The following PIP4K2A variants were observed in gnomAD, a reference collection of about 807,000 sequenced individuals.
The protein encoded by PIP4K2A is phosphatidylinositol-5-phosphate 4-kinase type 2 alpha.
PIP4K2A carries 14 observed loss-of-function variants against 42.9 expected under a neutral mutation model. The ratio of observed to expected loss-of-function variants is 0.33; its 90% CI spans 0.22 to 0.51. PIP4K2A has a LOEUF of 0.51. PIP4K2A is among the 20% of genes least tolerant of loss of function. The pLI is 0.97. For synonymous variants in PIP4K2A, 192 were observed against 192.2 expected, an observed-to-expected ratio of 1.00 and a Z score of 0.01; for missense variants, 434 against 519.8, an observed-to-expected ratio of 0.83 and a Z score of 1.61.
chr10:22,664,049 A>G lies in PIP4K2A; in HGVS notation c.144+50134T>C, dbSNP rs187978817. On this transcript the variant is annotated intron_variant, in intron 1 of 9. Transcript: ENST00000376573. Reference sequence around the variant, plus strand: ...TATATATACATATATATATATATACATATGTATATATACATATATATATAT... The same window carrying G: ...TATATATACATATATATATATATACGTATGTATATATACATATATATATAT... Among the ~76,000 whole-genome samples the G allele has an allele frequency of 5.3e-3, 429 of 81,044 alleles. 15 individuals are homozygous for G. Among genetic ancestry groups the G allele is most frequent in the African/African-American group, 0.037 (339 of 9,178 alleles). The allele number at this position is 81,044 out of a possible 152,430, so 53.2% of individuals were successfully genotyped here.
At chr10:22,713,943 C>T in intron 1 of PIP4K2A, 2 of 371,776 alleles carry the variant, frequency 5.4e-6, no homozygotes, top group Non-Finnish European at 4.9e-6. Flanking sequence ...CACATGCACA[C>T]GGGACCCCCG....
At chr10:22,564,841 C>A (rs1239462620) in intron 6 of PIP4K2A, among the ~76,000 whole-genome samples, 1 of 152,252 alleles carries the variant, frequency 6.6e-6, no homozygotes, top group Non-Finnish European at 1.5e-5. Flanking sequence ...CCGACCAGGT[C>A]CCCAGCGATT....
chr10:22,576,763 C>T lies in PIP4K2A; in HGVS notation c.493-3306G>A, dbSNP rs12247628. 2.3e-3 allele frequency among the ~76,000 whole-genome samples: 347 copies of T among 152,240 alleles called. 1 individual carries two copies. The highest frequency in any genetic ancestry group is 7.8e-3 in the African/African-American group (322 of 41,530). On this transcript the variant is annotated intron_variant, in intron 4 of 9. Coordinates refer to ENST00000376573, the MANE Select transcript of PIP4K2A (RefSeq NM_005028.5). ...CCATTTTTATTAAACCTCAAAACCC[C>T]CTCATCACTCTCAATATTCATTCAT... is the stretch of plus-strand genomic sequence containing the variant.
In PIP4K2A at chr10:22,536,875, C is replaced by T. The variant is rs1456906141; in HGVS notation, c.*326G>A. 1 of 212,394 alleles carries T rather than the reference C, an allele frequency of 4.7e-6. No homozygotes were observed. The highest frequency in any genetic ancestry group is 9.3e-6 in the Non-Finnish European group (1 of 107,344). The allele number at this position is 212,394 out of a possible 1,614,324, so 13.2% of individuals were successfully genotyped here. A position where few individuals can be genotyped will look rare whatever the true frequency, so the allele number is the denominator to read the frequency against. On this transcript the variant is annotated 3_prime_UTR_variant, in exon 10 of 10. Transcript: ENST00000376573. Reference sequence around the variant, plus strand: ...TCGGCCATAGCTGGAATCAAAGGGTCTTTGTTGGGACACATACTGACCGAA... The same window carrying T: ...TCGGCCATAGCTGGAATCAAAGGGTTTTTGTTGGGACACATACTGACCGAA...
At chr10:22,548,765 G>C (rs182480904) in intron 7 of PIP4K2A, among the ~76,000 whole-genome samples, 138 of 152,294 alleles carry the variant, frequency 9.1e-4, no homozygotes, top group African/African-American at 2.8e-3. Flanking sequence ...ATGCTTACAG[G>C]CTAAGCACAG....
intron 1 of PIP4K2A, among the ~76,000 whole-genome samples, chr10:22,618,813 G>A (rs543266874): frequency 2.6e-5 from 4 of 152,278 alleles, no homozygotes; most frequent in Non-Finnish European, 4.4e-5. Context: ...CAATACCTAC[G>A]ACCTCTCCTT....
chr10:22,562,162 A>G (rs1836723204), intron 6 of PIP4K2A, among the ~76,000 whole-genome samples: 1 of 152,222 alleles, frequency 6.6e-6, no homozygotes. Context: ...CAAAAATCCT[A>G]ACTGATCATG....
chr10:22,644,787 A>G (rs1838847969), intron 1 of PIP4K2A, among the ~76,000 whole-genome samples: 1 of 152,206 alleles, frequency 6.6e-6, no homozygotes, highest in Non-Finnish European at 1.5e-5. Flanking sequence ...TCTAGGACCT[A>G]CACTTGTGCC....
At chr10:22,695,946 T>C (rs11013103) in intron 1 of PIP4K2A, among the ~76,000 whole-genome samples, 26,378 of 152,124 alleles carry the variant, frequency 0.17, 2,519 homozygotes, top group Middle Eastern at 0.26. Context: ...TTCCCCCCAC[T>C]CATCTCACCT....
chr10:22,554,182 C>G (rs12146350), intron 6 of PIP4K2A, among the ~76,000 whole-genome samples: 82,195 of 151,936 alleles, frequency 0.54, 24,133 homozygotes, highest in South Asian at 0.77. Flanking sequence ...GGTTAAGTCA[C>G]CTGACAATGA....
intron 1 of PIP4K2A, among the ~76,000 whole-genome samples, chr10:22,674,810 T>A (rs1355823170): frequency 2.0e-5 from 3 of 151,470 alleles, no homozygotes; most frequent in Non-Finnish European, 4.4e-5. Flanking sequence ...AATAAATAAA[T>A]AAAACCCAGC....
At chr10:22,679,152 T>A (rs988552798) in intron 1 of PIP4K2A, among the ~76,000 whole-genome samples, 9 of 152,062 alleles carry the variant, frequency 5.9e-5, no homozygotes, top group African/African-American at 2.2e-4. Context: ...ACTAATAAAA[T>A]GAGAGAAAAT....
intron 1 of PIP4K2A, among the ~76,000 whole-genome samples, chr10:22,679,414 T>C (rs1199649068): frequency 6.6e-6 from 1 of 152,168 alleles, no homozygotes. Flanking sequence ...GGACAGACAA[T>C]ATCAAGTATT....
At chr10:22,639,960 G>A (rs548297873) in intron 1 of PIP4K2A, among the ~76,000 whole-genome samples, 1 of 150,282 alleles carries the variant, frequency 6.7e-6, no homozygotes, top group African/African-American at 2.5e-5. Flanking sequence ...ATTAAAACTG[G>A]CGGTTTACCA....
At chr10:22,583,920 T>C (rs914282187) in intron 4 of PIP4K2A, among the ~76,000 whole-genome samples, 2 of 152,246 alleles carry the variant, frequency 1.3e-5, no homozygotes, top group Non-Finnish European at 2.9e-5. Context: ...CATAGGAGCC[T>C]CTAGGGGCAT....
chr10:22,553,571 A>G (rs1836462226), intron 6 of PIP4K2A, among the ~76,000 whole-genome samples: 1 of 152,156 alleles, frequency 6.6e-6, no homozygotes, highest in Admixed American at 6.5e-5. Flanking sequence ...AGATCATGCA[A>G]TTTAACTAAG....
At chr10:22,627,903 G>A (rs1269590370) in intron 1 of PIP4K2A, among the ~76,000 whole-genome samples, 1 of 152,160 alleles carries the variant, frequency 6.6e-6, no homozygotes, top group Non-Finnish European at 1.5e-5. Context: ...GTTGGCCTAT[G>A]GTTGTCATTA....
intron 1 of PIP4K2A, among the ~76,000 whole-genome samples, chr10:22,667,911 G>A (rs1186690723): frequency 1.5e-5 from 2 of 136,712 alleles, no homozygotes; most frequent in Non-Finnish European, 3.1e-5. Context: ...GTGTGTGTGT[G>A]TGTGTAGAGA....
intron 1 of PIP4K2A, among the ~76,000 whole-genome samples, chr10:22,622,015 A>G (rs1778302): frequency 0.1 from 15,611 of 152,232 alleles, 883 homozygotes; most frequent in Middle Eastern, 0.18. Flanking sequence ...TGACCTGACC[A>G]TGCATTTTTA....
Sources: allele counts gnomAD v4.1 joint callset (sites outside exome capture counted in the v4.1 genomes callset), GRCh38; gene constraint gnomAD v4.1.1; transcripts MANE v1.5; gene names NCBI Gene and HGNC (gene_info 2026-07-23, HGNC 2026-07-21).